TMEM164: variants seen among roughly 807,000 people sequenced by gnomAD.
The protein encoded by TMEM164 is transmembrane protein 164, also known as RP13-360B22.2.
In TMEM164, 4 loss-of-function variants were observed where a neutral mutation model predicts 18.8. That is an observed-to-expected ratio of 0.21 (90% CI 0.10 to 0.49). The LOEUF (loss-of-function observed/expected upper bound fraction) is 0.49, where lower values mean the gene tolerates loss of function less well. TMEM164 is among the 20% of genes least tolerant of loss of function. The pLI is 0.98. For missense variants in TMEM164, 108 were observed against 239.9 expected, an observed-to-expected ratio of 0.45 and a Z score of 3.63; for synonymous variants, 86 against 101.7, an observed-to-expected ratio of 0.85 and a Z score of 0.93.
chrX:110,142,332 T>C (rs2066781798), intron 4 of TMEM164, among the ~76,000 whole-genome samples: 1 of 111,977 alleles, frequency 8.9e-6, no homozygotes, highest in South Asian at 3.7e-4. Context: ...CTCCCATTCA[T>C]AAGGGTGGCT....
In TMEM164 at chrX:110,173,260, T is replaced by C; in HGVS notation, c.703T>C (p.Leu235=). ...QILGLVTEVN[L]NNMLCPAISD... ...GTCCCTGCAGGTCACCGAAGTGAATTTGAACAACATGCTGTGTCCGGCCAT... is the reference window on the plus strand; with the variant it reads ...GTCCCTGCAGGTCACCGAAGTGAATCTGAACAACATGCTGTGTCCGGCCAT... Residue 235 remains leucine, a synonymous_variant, in exon 7 of 7, where the codon TTG becomes CTG. Coordinates refer to ENST00000372068, the MANE Select transcript of TMEM164 (RefSeq NM_032227.4). 2.5e-6 allele frequency: 3 copies of C among 1,211,147 alleles called. No homozygotes were observed. Among genetic ancestry groups the C allele is most frequent in the Non-Finnish European group, 3.4e-6 (3 of 895,412 alleles).
intron 2 of TMEM164, among the ~76,000 whole-genome samples, chrX:110,059,484 C>A (rs761667312): frequency 1.6e-4 from 18 of 111,017 alleles, no homozygotes; most frequent in Non-Finnish European, 2.8e-4. Context: ...TTAAAATCAG[C>A]GTGTCAGTTT....
chrX:110,064,092 C>T (rs753204215), intron 2 of TMEM164, among the ~76,000 whole-genome samples: 2 of 111,513 alleles, frequency 1.8e-5, no homozygotes, highest in Non-Finnish European at 3.8e-5. Flanking sequence ...TTCTGCCTGC[C>T]TCCCAGGTGA....
intron 4 of TMEM164, among the ~76,000 whole-genome samples, chrX:110,134,952 C>A (rs1303614886): frequency 9.0e-6 from 1 of 111,464 alleles, no homozygotes; most frequent in South Asian, 3.8e-4. Flanking sequence ...ACCTCCTACT[C>A]CCCAGAGAGA....
downstream of TMEM164, among the ~76,000 whole-genome samples, chrX:110,178,500 A>G (rs1315735220): frequency 8.9e-6 from 1 of 112,028 alleles, no homozygotes; most frequent in Admixed American, 9.4e-5. Context: ...GAGAGCTGAA[A>G]AAGACAATGA....
intron 2 of TMEM164, among the ~76,000 whole-genome samples, chrX:110,025,556 G>T (rs1206444860): frequency 1.8e-5 from 2 of 112,129 alleles, no homozygotes; most frequent in Non-Finnish European, 1.9e-5. Context: ...GAATATCCTG[G>T]TTTTCAGAAA....
Position 110,061,914 on chromosome X carries a change from A to C in TMEM164, c.391-5433A>C, listed in dbSNP as rs185762027. Reference sequence around the variant, plus strand: ...GGAAAAACCATCTGGAAGAGGGAATAGGATTAGCAAAGGCACAATTTCTTG... The same window carrying C: ...GGAAAAACCATCTGGAAGAGGGAATCGGATTAGCAAAGGCACAATTTCTTG... On this transcript the variant is annotated intron_variant, in intron 2 of 6. Coordinates refer to ENST00000372068, the MANE Select transcript of TMEM164 (RefSeq NM_032227.4). 2.7e-5 allele frequency among the ~76,000 whole-genome samples: 3 copies of C among 111,905 alleles called. No individual in the cohort carries two copies. In the Admixed American group the frequency reaches 2.8e-4, roughly 11 times the overall value.
intron 2 of TMEM164, among the ~76,000 whole-genome samples, chrX:110,063,066 A>G (rs1264930592): frequency 9.0e-6 from 1 of 111,571 alleles, no homozygotes; most frequent in Non-Finnish European, 1.9e-5. Flanking sequence ...AGTCATAAGC[A>G]CTTGGCCTCA....
intron 5 of TMEM164, among the ~76,000 whole-genome samples, chrX:110,148,675 A>ATTTTTT (rs373500523): frequency 2.2e-3 from 148 of 67,850 alleles, no homozygotes; most frequent in African/African-American, 3.2e-3. Context: ...CACCCGGCTC[A>ATTTTTT]TTTTTTTTTT....
chrX:110,148,669 C>T (rs1016129840), intron 5 of TMEM164, among the ~76,000 whole-genome samples: 41 of 102,845 alleles, frequency 4.0e-4, no homozygotes, highest in Non-Finnish European at 7.8e-4. Flanking sequence ...CTACCACACC[C>T]GGCTCATTTT....
chrX:110,158,287 TC>T (rs2148105743), intron 5 of TMEM164, among the ~76,000 whole-genome samples: 1 of 111,753 alleles, frequency 8.9e-6, no homozygotes, highest in Non-Finnish European at 1.9e-5. Flanking sequence ...GAAAGAAGAA[TC>T]CGTGGATTTT....
intron 3 of TMEM164, among the ~76,000 whole-genome samples, chrX:110,069,665 C>T (rs751647960): frequency 1.9e-5 from 2 of 108,064 alleles, no homozygotes; most frequent in South Asian, 4.2e-4. Flanking sequence ...GTCATCTGCC[C>T]GCCTCGGCCT....
chrX:110,059,613 A>G (rs749644377), intron 2 of TMEM164, among the ~76,000 whole-genome samples: 1 of 112,435 alleles, frequency 8.9e-6, no homozygotes, highest in Non-Finnish European at 1.9e-5. Context: ...GAACCTGACA[A>G]TACTATATAA....
intron 2 of TMEM164, among the ~76,000 whole-genome samples, chrX:110,049,875 G>C (rs767925516): frequency 1.8e-5 from 2 of 111,011 alleles, no homozygotes; most frequent in African/African-American, 3.3e-5. Context: ...CACACTTCAG[G>C]AGTCCCACAT....
intron 2 of TMEM164, among the ~76,000 whole-genome samples, chrX:110,011,198 A>G (rs1178799580): frequency 8.9e-6 from 1 of 112,441 alleles, no homozygotes; most frequent in South Asian, 3.6e-4. Flanking sequence ...ACAAAAAAAA[A>G]AGAAGAAGTA....
chrX:110,079,794 C>G (rs1459523732), intron 3 of TMEM164, among the ~76,000 whole-genome samples: 1 of 103,827 alleles, frequency 9.6e-6, no homozygotes. Context: ...CAACATCTCA[C>G]CCTTTCTTAA....
chrX:110,105,175 ACCATCCATCCATCCATCCATCCATCCAT>A (rs55889712), intron 3 of TMEM164, among the ~76,000 whole-genome samples: 1 of 88,990 alleles, frequency 1.1e-5, no homozygotes, highest in African/African-American at 4.3e-5. Flanking sequence ...CTTCCATCCA[ACCATCCATCCATCCATCCATCCATCCAT>A]CCATCCATCC....
At chrX:110,146,422 T>C (rs2066855303) in intron 5 of TMEM164, among the ~76,000 whole-genome samples, 1 of 112,473 alleles carries the variant, frequency 8.9e-6, no homozygotes, top group Non-Finnish European at 1.9e-5. Flanking sequence ...AAGACTTGGC[T>C]AACTCTAAGA....
intron 5 of TMEM164, among the ~76,000 whole-genome samples, chrX:110,150,333 C>T (rs575175003): frequency 5.4e-5 from 6 of 111,761 alleles, no homozygotes; most frequent in African/African-American, 2.0e-4. Context: ...GTGGATGACA[C>T]TGGGCCTGAG....
Sources: allele counts gnomAD v4.1 joint callset (sites outside exome capture counted in the v4.1 genomes callset), GRCh38; gene constraint gnomAD v4.1.1; transcripts MANE v1.5; gene names NCBI Gene and HGNC (gene_info 2026-07-23, HGNC 2026-07-21).